Variants in GP2 observed in about 807,000 individuals in gnomAD.
The protein encoded by GP2 is pancreatic secretory granule membrane major glycoprotein GP2.
Under a neutral mutation model 60.8 loss-of-function variants are expected in GP2, and 58 were observed. The observed-to-expected ratio is 0.95, with a 90% CI of 0.77 to 1.19. GP2 has a LOEUF of 1.19. Among genes scored for constraint, GP2 ranks in the 50% most tolerant of loss-of-function variants. GP2 has a pLI of 0.00. For missense variants in GP2, 647 were observed against 667.4 expected (o/e 0.97, Z 0.34); for synonymous variants, 280 against 253.4 (o/e 1.10, Z -1.00).
intron 6 of GP2, 49 bp from the exon 7 acceptor site, chr16:20,318,479 A>T (rs1221294876): frequency 6.3e-7 from 1 of 1,580,226 alleles, no homozygotes. Flanking sequence ...AACAACATAA[A>T]TCAAGCCCTG....
intron 1 of GP2, among the ~76,000 whole-genome samples, chr16:20,327,160 G>A (rs903034216): frequency 1.3e-5 from 2 of 152,304 alleles, no homozygotes; most frequent in African/African-American, 2.4e-5. Flanking sequence ...CTATGAGACA[G>A]CAGGGATAGG....
chr16:20,326,146 G>A (rs571129703), intron 2 of GP2, 192 bp downstream of exon 2: 5 of 586,804 alleles, frequency 8.5e-6, no homozygotes, highest in Non-Finnish European at 3.0e-6. Context: ...AGGAATTTCT[G>A]ATTAGGCTCT....
chr16:20,318,414 C>A lies in GP2; in HGVS notation c.1024G>T (p.Val342Leu). The change falls in exon 7 of 11, where the codon GTG (valine) becomes TTG (leucine). Residue 342 changes from valine to leucine, a missense_variant. Val to Leu is a conservative substitution (Grantham distance 32, BLOSUM62 1). Coordinates refer to ENST00000302555, the MANE Select transcript of GP2 (RefSeq NM_001502.4). The stretch of plus-strand genomic sequence containing the variant: ...ACAATGAACTCTCCATTCCCGTCCA[C>A]ACTGACGTTCAGGGAACTGAGAAAA... ...QPIVSSLNVS[V>L]DGNGEFIVRM... 6.2e-7 allele frequency: 1 copy of A among 1,613,500 alleles called. No homozygotes were observed. The highest frequency in any genetic ancestry group is 8.5e-7 in the Non-Finnish European group (1 of 1,179,454).
intron 10 of GP2, among the ~76,000 whole-genome samples, chr16:20,312,805 C>A (rs990249875): frequency 1.3e-5 from 2 of 152,156 alleles, no homozygotes; most frequent in Non-Finnish European, 2.9e-5. Context: ...CATGCACCAC[C>A]ATGCCCATCT....
intron 8 of GP2, 23 bp from the exon 9 acceptor site, chr16:20,316,063 T>TTATATCAAAATTTAAATGC: frequency 6.7e-7 from 1 of 1,497,450 alleles, no homozygotes. Context: ...TGAACTTTTA[T>TTATATCAAAATTTAAATGC]TATATCAAAA....
chr16:20,318,011 C>T (rs1964238360), intron 7 of GP2, among the ~76,000 whole-genome samples, 174 bp downstream of exon 7: 1 of 152,158 alleles, frequency 6.6e-6, no homozygotes, highest in Non-Finnish European at 1.5e-5. Flanking sequence ...ATTTACCCTG[C>T]CCACCTGTTT....
Position 20,319,604 on chromosome 16 carries a change from A to G in GP2, c.1007+16T>C. The G allele has an allele frequency of 6.3e-7, 1 of 1,598,510 alleles. No individual in the cohort carries two copies. Among genetic ancestry groups the G allele is most frequent in the Non-Finnish European group, 8.6e-7 (1 of 1,165,892 alleles). On this transcript the variant is annotated intron_variant, in intron 6 of 10. Coordinates refer to ENST00000302555, the MANE Select transcript of GP2 (RefSeq NM_001502.4). ...TGCCAGGGTTATGGGTCAAAGGGCA[A>G]GGGTCAATGCCATACCTTACAATGG... is the stretch of plus-strand genomic sequence containing the variant.
intron 7 of GP2, among the ~76,000 whole-genome samples, chr16:20,317,856 C>T (rs771735585): frequency 3.9e-5 from 6 of 152,144 alleles, no homozygotes; most frequent in Non-Finnish European, 7.4e-5. Context: ...TATTTCACCC[C>T]ACAACATTTA....
intron 4 of GP2, among the ~76,000 whole-genome samples, chr16:20,322,189 C>A (rs1964383951): frequency 6.6e-6 from 1 of 152,206 alleles, no homozygotes; most frequent in Non-Finnish European, 1.5e-5. Context: ...TTGTAGTGTG[C>A]TCAGAGGAAG....
At chr16:20,319,545 T>C in intron 6 of GP2, 75 bp downstream of exon 6, 2 of 1,049,668 alleles carry the variant, frequency 1.9e-6, no homozygotes, top group Admixed American at 3.6e-5. Flanking sequence ...GTGGACATCA[T>C]AGTCTGCACT....
At position 20,323,709 on chromosome 16, in the gene GP2, C is replaced by T. The variant is rs1186892505; in HGVS notation, c.535+107G>A. ...CTGGGCAGGAGCTGAGTCGAGGCTG[C>T]TCTGCATCCTCTCCTGTCTCCTCTT... On this transcript the variant is annotated intron_variant, in intron 3 of 10. Transcript: ENST00000302555. The T allele has an allele frequency of 6.9e-6, 5 of 726,492 alleles. No homozygotes were observed. The African/African-American group carries it at 7.1e-5, about 10-fold the overall frequency. The allele number at this position is 726,492 out of a possible 1,614,324, so 45.0% of individuals were successfully genotyped here.
At chr16:20,324,356 A>C in intron 2 of GP2, 100 bp from the exon 3 acceptor site, 1 of 678,628 alleles carries the variant, frequency 1.5e-6, no homozygotes, top group Admixed American at 2.8e-5. Flanking sequence ...TAAGGACTCC[A>C]ATGAGGACAA....
intron 6 of GP2, 42 bp downstream of exon 6, chr16:20,319,577 AT>A: frequency 6.8e-7 from 1 of 1,471,870 alleles, no homozygotes; most frequent in Non-Finnish European, 9.5e-7. Flanking sequence ...TGATGTGACT[AT>A]TGCCAGGGTT....
intron 8 of GP2, 57 bp downstream of exon 8, chr16:20,317,156 A>G (rs1414103459): frequency 8.8e-6 from 8 of 904,066 alleles, no homozygotes; most frequent in Non-Finnish European, 1.3e-5. Context: ...TGGAAAGCCT[A>G]TCAGGTACCA....
chr16:20,326,638 AG>A, intron 1 of GP2, 171 bp from the exon 2 acceptor site: 4 of 587,830 alleles, frequency 6.8e-6, no homozygotes, highest in Non-Finnish European at 1.2e-5. Context: ...ACCAAAGGCA[AG>A]CTTAGAGCTG....
At chr16:20,317,430 T>C in intron 7 of GP2, 55 bp from the exon 8 acceptor site, 1 of 1,383,846 alleles carries the variant, frequency 7.2e-7, no homozygotes, top group South Asian at 1.2e-5. Flanking sequence ...GTGGAGAAAA[T>C]TAAAGAGTCC....
chr16:20,323,282 A>C (rs1456640614), intron 3 of GP2: 3 of 690,822 alleles, frequency 4.3e-6, no homozygotes, highest in Non-Finnish European at 8.1e-6. Context: ...CTAGAATGCC[A>C]AGTTCAAATC....
intron 10 of GP2, among the ~76,000 whole-genome samples, chr16:20,314,173 T>C (rs887095554): frequency 6.6e-6 from 1 of 150,760 alleles, no homozygotes; most frequent in Non-Finnish European, 1.5e-5. Context: ...CAAACCACCA[T>C]GGCACATATA....
chr16:20,314,656 C>A lies in GP2; in HGVS notation c.1546+1G>T, dbSNP rs780776976. 1 of 1,585,914 alleles carries A rather than the reference C, an allele frequency of 6.3e-7. No homozygotes were observed. Among genetic ancestry groups the A allele is most frequent in the Non-Finnish European group, 8.7e-7 (1 of 1,154,302 alleles). ...GGGAAAGGCATGAGAAAATGATGTA[C>A]CTGCAGTGCTAGGGGTTCCATTCAT... On this transcript the variant is annotated splice_donor_variant, in intron 10 of 10. Transcript: ENST00000302555. LOFTEE classifies it high-confidence loss of function.
Sources: gnomAD v4.1 joint callset for allele counts (sites outside exome capture counted in the v4.1 genomes callset) on GRCh38, gnomAD v4.1.1 for gene constraint, MANE v1.5 for transcripts, NCBI Gene and HGNC (gene_info 2026-07-23, HGNC 2026-07-21) for gene names.